The following LRMDA variants were observed in gnomAD, a reference collection of about 807,000 sequenced individuals.
LRMDA encodes leucine-rich melanocyte differentiation-associated protein.
In LRMDA, 18 loss-of-function variants were observed where a neutral mutation model predicts 29.8. That is an observed-to-expected ratio of 0.60 (90% CI 0.42 to 0.90). The LOEUF (loss-of-function observed/expected upper bound fraction) is 0.90. Among genes scored for constraint, LRMDA ranks in the 40% least tolerant of loss-of-function variants. The pLI is 0.00. For synonymous variants in LRMDA, 125 were observed against 109.4 expected, an observed-to-expected ratio of 1.14 and a Z score of -0.89; for missense variants, 273 against 273.9, an observed-to-expected ratio of 1.00 and a Z score of 0.02.
rs150248179 is a variant in LRMDA, at chr10:75,776,978, G to A, written c.132-259030G>A. On this transcript the variant is annotated intron_variant, in intron 2 of 6. Transcript: ENST00000611255. ...TTGCTCATTCTGATATGCTTAAGGA[G>A]CGAGGAGGGGGCATTGCCCATGAGG... Among the ~76,000 whole-genome samples, 5 of 152,360 alleles carry A rather than the reference G, an allele frequency of 3.3e-5. No homozygotes were observed. In the East Asian group the frequency reaches 9.6e-4, roughly 29 times the overall value.
intron 2 of LRMDA, among the ~76,000 whole-genome samples, chr10:75,612,192 C>T (rs1041214196): frequency 3.9e-5 from 6 of 152,162 alleles, no homozygotes; most frequent in African/African-American, 4.8e-5. Context: ...AAAATAAGTG[C>T]GAGGTTTTAC....
At chr10:76,313,928 T>C (rs549130651) in intron 5 of LRMDA, among the ~76,000 whole-genome samples, 120 of 152,272 alleles carry the variant, frequency 7.9e-4, no homozygotes, top group Non-Finnish European at 1.4e-3. Flanking sequence ...TTAATGAGTA[T>C]GTCAGAACTT....
chr10:76,438,999 T>A (rs1447815751), intron 6 of LRMDA, among the ~76,000 whole-genome samples: 1 of 152,218 alleles, frequency 6.6e-6, no homozygotes, highest in Non-Finnish European at 1.5e-5. Flanking sequence ...AAGTGAACTA[T>A]GATGAAAATT....
intron 5 of LRMDA, among the ~76,000 whole-genome samples, chr10:76,158,195 G>GACTTTGATCTACACATTGT (rs1850576990): frequency 8.8e-6 from 1 of 113,722 alleles, no homozygotes. Context: ...ATGTCCTAGG[G>GACTTTGATCTACACATTGT]ACTTTGATCT....
chr10:76,241,288 T>G (rs1253354758), intron 5 of LRMDA, among the ~76,000 whole-genome samples: 1 of 152,156 alleles, frequency 6.6e-6, no homozygotes, highest in African/African-American at 2.4e-5. Context: ...AAACTGTATC[T>G]TATCAGTAGG....
At chr10:75,568,048 C>T (rs1467737556) in intron 2 of LRMDA, among the ~76,000 whole-genome samples, 1 of 152,178 alleles carries the variant, frequency 6.6e-6, no homozygotes, top group Non-Finnish European at 1.5e-5. Flanking sequence ...CTGGGCCATA[C>T]ATTTTAATTA....
chr10:76,183,043 C>A (rs539750206), intron 5 of LRMDA, among the ~76,000 whole-genome samples: 6 of 152,238 alleles, frequency 3.9e-5, no homozygotes, highest in Admixed American at 2.6e-4. Flanking sequence ...CAATATGGAC[C>A]CAAAAGAGGA....
intron 6 of LRMDA, among the ~76,000 whole-genome samples, chr10:76,326,556 T>G (rs1468344308): frequency 6.6e-6 from 1 of 152,246 alleles, no homozygotes; most frequent in Non-Finnish European, 1.5e-5. Context: ...CTGAAACTTT[T>G]GTCTATACAA....
At chr10:75,461,586 G>A (rs370817107) in intron 2 of LRMDA, among the ~76,000 whole-genome samples, 1 of 152,168 alleles carries the variant, frequency 6.6e-6, no homozygotes, top group Non-Finnish European at 1.5e-5. Context: ...GAGTCTAAGG[G>A]TTGGAGTTTT....
intron 2 of LRMDA, among the ~76,000 whole-genome samples, chr10:75,960,268 A>G (rs1846741222): frequency 6.6e-6 from 1 of 152,268 alleles, no homozygotes; most frequent in Non-Finnish European, 1.5e-5. Flanking sequence ...AGGCATATTT[A>G]GAAGAGGATA....
Position 76,346,154 on chromosome 10 carries a change from G to T in LRMDA, c.601+21669G>T, listed in dbSNP as rs573027550. 1.9e-3 allele frequency among the ~76,000 whole-genome samples: 296 copies of T among 152,264 alleles called. 1 individual carries two copies. Among genetic ancestry groups the T allele is most frequent in the Middle Eastern group, 6.8e-3 (2 of 294 alleles). ...AATAATTGGAAATAGTTTTGAAAGT[G>T]TAGACACAAAACTCCTAACAATAGT... On this transcript the variant is annotated intron_variant, in intron 6 of 6. Coordinates refer to ENST00000611255, the MANE Select transcript of LRMDA (RefSeq NM_001305581.2).
At chr10:76,527,359 A>G (rs973638728) in intron 6 of LRMDA, among the ~76,000 whole-genome samples, 13 of 152,202 alleles carry the variant, frequency 8.5e-5, no homozygotes, top group African/African-American at 3.1e-4. Context: ...CACTGTCTAG[A>G]TCCAGATCTT....
intron 5 of LRMDA, among the ~76,000 whole-genome samples, chr10:76,080,707 A>G (rs935649107): frequency 6.6e-6 from 1 of 152,204 alleles, no homozygotes; most frequent in East Asian, 1.9e-4. Flanking sequence ...GTAACATTCA[A>G]AAGGCTTTAT....
chr10:76,324,067 T>C (rs1393994382), intron 5 of LRMDA, among the ~76,000 whole-genome samples: 3 of 152,180 alleles, frequency 2.0e-5, no homozygotes, highest in Non-Finnish European at 4.4e-5. Flanking sequence ...TTTGTGGGAA[T>C]TACTGGGTGA....
At chr10:76,379,934 T>A (rs1425577829) in intron 6 of LRMDA, among the ~76,000 whole-genome samples, 2 of 152,222 alleles carry the variant, frequency 1.3e-5, no homozygotes, top group Non-Finnish European at 2.9e-5. Context: ...TTTCAAAAAA[T>A]TTTTTAATTC....
At chr10:76,020,119 A>C (rs1847947877) in intron 2 of LRMDA, among the ~76,000 whole-genome samples, 1 of 152,208 alleles carries the variant, frequency 6.6e-6, no homozygotes, top group African/African-American at 2.4e-5. Flanking sequence ...TGAGCTGAGG[A>C]AGGGCTGCTT....
At chr10:75,464,980 G>A (rs571034404) in intron 2 of LRMDA, among the ~76,000 whole-genome samples, 4 of 152,324 alleles carry the variant, frequency 2.6e-5, no homozygotes, top group African/African-American at 9.6e-5. Flanking sequence ...AAAGCTGATG[G>A]TTCTTTTTCC....
At chr10:75,593,924 T>C (rs1262741230) in intron 2 of LRMDA, among the ~76,000 whole-genome samples, 1 of 152,256 alleles carries the variant, frequency 6.6e-6, no homozygotes, top group Non-Finnish European at 1.5e-5. Context: ...GAGCTGCTGC[T>C]GCCGCGGGAT....
At chr10:75,472,477 C>T (rs1400144903) in intron 2 of LRMDA, among the ~76,000 whole-genome samples, 1 of 152,226 alleles carries the variant, frequency 6.6e-6, no homozygotes, top group African/African-American at 2.4e-5. Flanking sequence ...AAATGAGTGT[C>T]ATGTAAGTGG....
Sources: allele counts gnomAD v4.1 joint callset (sites outside exome capture counted in the v4.1 genomes callset), GRCh38; gene constraint gnomAD v4.1.1; transcripts MANE v1.5; gene names NCBI Gene and HGNC (gene_info 2026-07-23, HGNC 2026-07-21).